Variants in DPP10 observed in about 807,000 individuals in gnomAD.
DPP10 encodes inactive dipeptidyl peptidase 10.
A neutral mutation model predicts 120.9 loss-of-function variants in DPP10; 33 were observed. The observed-to-expected ratio is 0.27, with a 90% CI of 0.21 to 0.37. The LOEUF (loss-of-function observed/expected upper bound fraction) is 0.37, where lower values mean the gene tolerates loss of function less well. Ranked by LOEUF, DPP10 falls within the 10% of genes least tolerant of loss-of-function variation. The pLI, the probability that DPP10 is intolerant of heterozygous loss-of-function variation, is 1.00. For missense variants in DPP10, 816 were observed against 942.8 expected (o/e 0.87, Z 1.76); for synonymous variants, 337 against 326.1 (o/e 1.03, Z -0.36).
chr2:115,839,022 A>G (rs1298892000), intron 24 of DPP10, among the ~76,000 whole-genome samples: 1 of 152,234 alleles, frequency 6.6e-6, no homozygotes, highest in Non-Finnish European at 1.5e-5. Flanking sequence ...TTAGAAACTA[A>G]GCAGAAAAAA....
chr2:115,170,359 G>A (rs950154527), intron 1 of DPP10, among the ~76,000 whole-genome samples: 1 of 151,834 alleles, frequency 6.6e-6, no homozygotes, highest in African/African-American at 2.4e-5. Context: ...TTCTCTCTTA[G>A]ACACAGAATA....
chr2:114,731,418 C>T (rs886928265), intron 1 of DPP10, among the ~76,000 whole-genome samples: 4 of 152,122 alleles, frequency 2.6e-5, no homozygotes, highest in Non-Finnish European at 4.4e-5. Context: ...CTCAGGAGAG[C>T]AGCTGTAAAC....
At chr2:114,625,287 T>C (rs1207473789) in intron 1 of DPP10, among the ~76,000 whole-genome samples, 1 of 151,942 alleles carries the variant, frequency 6.6e-6, no homozygotes, top group Non-Finnish European at 1.5e-5. Context: ...TTTAACAAGA[T>C]CTTCTAGCCC....
At chr2:115,439,401 G>C (rs1424439363) in intron 3 of DPP10, among the ~76,000 whole-genome samples, 1 of 152,198 alleles carries the variant, frequency 6.6e-6, no homozygotes, top group Non-Finnish European at 1.5e-5. Context: ...CAGTGATGAT[G>C]TTTGCACTGC....
intron 5 of DPP10, among the ~76,000 whole-genome samples, chr2:115,647,642 A>G (rs997468436): frequency 2.0e-5 from 3 of 152,134 alleles, no homozygotes; most frequent in Admixed American, 6.6e-5. Flanking sequence ...TAATTTATAT[A>G]AAACAGAAAT....
In DPP10 at chr2:114,918,921, G is replaced by A. The variant is rs13399443; in HGVS notation, c.61-390318G>A. On this transcript the variant is annotated intron_variant, in intron 1 of 25. Transcript: ENST00000410059. The stretch of plus-strand genomic sequence containing the variant: ...CACACAACTTACCTATGTAGCAAAC[G>A]TGCACACGTACCCCCGAACCTAAAA... Among the ~76,000 whole-genome samples the A allele has an allele frequency of 8.9e-3, 1,335 of 150,544 alleles. 17 individuals carry two copies. Among genetic ancestry groups the A allele is most frequent in the African/African-American group, 0.031 (1,283 of 40,896 alleles).
intron 1 of DPP10, among the ~76,000 whole-genome samples, chr2:115,236,813 T>C (rs1202745993): frequency 6.6e-6 from 1 of 152,138 alleles, no homozygotes; most frequent in African/African-American, 2.4e-5. Flanking sequence ...TCTGATATCC[T>C]CTCTCATGGA....
chr2:115,664,771 G>C (rs553616213), intron 5 of DPP10, among the ~76,000 whole-genome samples: 1 of 152,276 alleles, frequency 6.6e-6, no homozygotes, highest in South Asian at 2.1e-4. Context: ...TTTCAGAGCA[G>C]TGCATTAGGG....
At chr2:115,699,825 A>C (rs542025031) in intron 7 of DPP10, among the ~76,000 whole-genome samples, 1 of 152,358 alleles carries the variant, frequency 6.6e-6, no homozygotes, top group East Asian at 1.9e-4. Flanking sequence ...AGATTATACA[A>C]CATAGCTAAC....
intron 1 of DPP10, among the ~76,000 whole-genome samples, chr2:115,209,698 G>GA (rs1046297923): frequency 2.6e-5 from 4 of 151,128 alleles, no homozygotes; most frequent in South Asian, 2.1e-4. Context: ...GAACAGCAAA[G>GA]AAAAAAAAAT....
intron 5 of DPP10, among the ~76,000 whole-genome samples, chr2:115,600,414 C>T (rs1034276065): frequency 6.6e-6 from 1 of 152,102 alleles, no homozygotes; most frequent in Non-Finnish European, 1.5e-5. Flanking sequence ...TTTCTAAAAT[C>T]CAGTAAAACA....
intron 5 of DPP10, among the ~76,000 whole-genome samples, chr2:115,640,912 G>GT (rs950074269): frequency 3.0e-4 from 45 of 151,994 alleles, no homozygotes; most frequent in African/African-American, 9.2e-4. Flanking sequence ...TGTTTATTTT[G>GT]TTTTTTTCTG....
chr2:115,621,784 A>G (rs538454910), intron 5 of DPP10, among the ~76,000 whole-genome samples: 14 of 152,180 alleles, frequency 9.2e-5, no homozygotes, highest in South Asian at 2.1e-4. Flanking sequence ...GGTTCAAGCA[A>G]TTCTCCCCTC....
chr2:114,493,535 A>G (rs372576915), intron 1 of DPP10, among the ~76,000 whole-genome samples: 33 of 152,080 alleles, frequency 2.2e-4, no homozygotes, highest in African/African-American at 7.5e-4. Context: ...CTCTCAACCA[A>G]CAAGTTCAGA....
chr2:115,413,588 T>C (rs2069128894), intron 3 of DPP10, among the ~76,000 whole-genome samples: 1 of 152,180 alleles, frequency 6.6e-6, no homozygotes, highest in Admixed American at 6.5e-5. Context: ...CCTAAAATTT[T>C]AAAAAATCAC....
chr2:114,892,174 A>G (rs1401010194), intron 1 of DPP10, among the ~76,000 whole-genome samples: 1 of 152,210 alleles, frequency 6.6e-6, no homozygotes, highest in Non-Finnish European at 1.5e-5. Context: ...TTCATTAGAT[A>G]CTAACTCTCT....
intron 3 of DPP10, among the ~76,000 whole-genome samples, chr2:115,440,193 A>T (rs958181689): frequency 2.0e-5 from 3 of 152,004 alleles, no homozygotes; most frequent in Admixed American, 1.3e-4. Flanking sequence ...AAATATTTCC[A>T]TATATTATAT....
At chr2:115,386,108 C>G (rs1222959040) in intron 3 of DPP10, among the ~76,000 whole-genome samples, 2 of 152,024 alleles carry the variant, frequency 1.3e-5, no homozygotes, top group African/African-American at 4.8e-5. Flanking sequence ...CATAAATCTC[C>G]TAGAAAATTA....
At chr2:114,777,105 C>G (rs1244222012) in intron 1 of DPP10, among the ~76,000 whole-genome samples, 1 of 152,042 alleles carries the variant, frequency 6.6e-6, no homozygotes, top group Non-Finnish European at 1.5e-5. Flanking sequence ...TATGTTAAGA[C>G]TTTTATTCAG....
Sources: allele counts gnomAD v4.1 joint callset (sites outside exome capture counted in the v4.1 genomes callset), GRCh38; gene constraint gnomAD v4.1.1; transcripts MANE v1.5; gene names NCBI Gene and HGNC (gene_info 2026-07-23, HGNC 2026-07-21).